TMPRSS9: variants seen among roughly 807,000 people sequenced by gnomAD.
TMPRSS9 encodes the protein transmembrane protease serine 9.
TMPRSS9 carries 113 observed loss-of-function variants against 111.4 expected under a neutral mutation model. The ratio of observed to expected loss-of-function variants is 1.01; its 90% CI spans 0.87 to 1.19. The LOEUF (loss-of-function observed/expected upper bound fraction) is 1.19. TMPRSS9 is among the 50% of genes most tolerant of loss of function. The pLI is 0.00. For missense variants in TMPRSS9, 1,803 were observed against 1,513.1 expected (o/e 1.19, Z -3.18); for synonymous variants, 805 against 659.1 (o/e 1.22, Z -3.39).
rs34615361 is a variant in TMPRSS9, at chr19:2,422,193, G to A, written c.2494G>A (p.Gly832Arg). The A allele has an allele frequency of 6.4e-3, 9,811 of 1,537,734 alleles. 48 individuals carry two copies. Among genetic ancestry groups the A allele is most frequent in the Admixed American group, 8.2e-3 (405 of 49,628 alleles). Reference sequence around the variant, plus strand: ...ATCTGCCGTGAGCACCACTGCTAGGGGACAGACGCCATTTCCAGACGCCCC... The same window carrying A: ...ATCTGCCGTGAGCACCACTGCTAGGAGACAGACGCCATTTCCAGACGCCCC... The change falls in exon 14 of 18, where the codon GGA (glycine) becomes AGA (arginine). Residue 832 changes from glycine to arginine, a missense_variant. Gly to Arg is a moderately radical substitution (Grantham distance 125). Coordinates refer to ENST00000648592, the Ensembl canonical transcript of TMPRSS9.
At chr19:2,405,666 T>C (rs992482472) in intron 7 of TMPRSS9, 121 bp downstream of exon 8, 3 of 1,116,324 alleles carry the variant, frequency 2.7e-6, no homozygotes, top group African/African-American at 3.3e-5. Flanking sequence ...TTTCTTTTCC[T>C]TTCTTTCTTG....
At chr19:2,402,670 G>A (rs1352198514) in intron 5 of TMPRSS9, among the ~76,000 whole-genome samples, 2 of 152,144 alleles carry the variant, frequency 1.3e-5, no homozygotes, top group African/African-American at 4.8e-5. Flanking sequence ...CCAGGGAGGC[G>A]GAGGTTGCGG....
chr19:2,398,247 G>C (rs1181182192), intron 2 of TMPRSS9, among the ~76,000 whole-genome samples: 2 of 151,438 alleles, frequency 1.3e-5, no homozygotes, highest in Admixed American at 1.3e-4. Flanking sequence ...AATGAGCCGA[G>C]ATCGTGCCAC....
chr19:2,397,507 A>G (rs1248043820), intron 2 of TMPRSS9, among the ~76,000 whole-genome samples: 1 of 152,142 alleles, frequency 6.6e-6, no homozygotes, highest in Admixed American at 6.6e-5. Context: ...CAGCCAGGAA[A>G]AGGGGCCAGG....
In TMPRSS9 at chr19:2,374,248, CTTTTTTTTTTTTTTTTT is replaced by C. The variant is rs1027376774; in HGVS notation, c.-26+13909_-26+13925del. On this transcript the variant is annotated intron_variant, in intron 1 of 17. Transcript: ENST00000649857. ...TTTCATGCTGATTTCTCTCAACAAT[CTTTTTTTTTTTTTTTTT>C]TTTTTTTTTTTTTTTTTTTTAAAGA... is the stretch of plus-strand genomic sequence containing the variant. Among the ~76,000 whole-genome samples the C allele has an allele frequency of 5.0e-4, 35 of 70,430 alleles. 1 individual carries two copies. The highest frequency in any genetic ancestry group is 1.9e-3 in the South Asian group (3 of 1,542). 46.2% of individuals were successfully genotyped at this position (70,430 alleles called of 152,430 possible). A position where few individuals can be genotyped will look rare whatever the true frequency, so the allele number is the denominator to read the frequency against.
intron 6 of TMPRSS9, among the ~76,000 whole-genome samples, chr19:2,403,626 G>A (rs1442345879): frequency 6.6e-6 from 1 of 151,824 alleles, no homozygotes; most frequent in Non-Finnish European, 1.5e-5. Flanking sequence ...GGAGGCCAAG[G>A]CAGGAGGATC....
chr19:2,422,862 TG>T (rs1971497863), intron 14 of TMPRSS9, among the ~76,000 whole-genome samples: 2 of 152,104 alleles, frequency 1.3e-5, no homozygotes, highest in Admixed American at 1.3e-4. Context: ...CACTCCAGCC[TG>T]GGCAACAGAG....
chr19:2,420,513 C>T (rs1183199934), intron 13 of TMPRSS9, among the ~76,000 whole-genome samples: 1 of 150,998 alleles, frequency 6.6e-6, no homozygotes, highest in African/African-American at 2.4e-5. Context: ...TATTACTAAT[C>T]AATACAAAAT....
At chr19:2,392,339 G>A (rs768207517) in intron 1 of TMPRSS9, among the ~76,000 whole-genome samples, 2 of 151,372 alleles carry the variant, frequency 1.3e-5, no homozygotes, top group Non-Finnish European at 2.9e-5. Context: ...CCTGCAGTGA[G>A]CTATGATCAC....
At chr19:2,422,194 G>A (rs764107539) in exon 14 of TMPRSS9, 4 of 1,537,000 alleles carry the variant, frequency 2.6e-6, no homozygotes, top group Non-Finnish European at 2.6e-6. Flanking sequence ...ACTGCTAGGG[G>A]ACAGACGCCA....
chr19:2,418,301 C>T lies in TMPRSS9; in HGVS notation c.2154+163C>T, dbSNP rs569540823. Among the ~76,000 whole-genome samples the T allele has an allele frequency of 1.5e-4, 10 of 68,662 alleles. 1 individual carries two copies. In the Middle Eastern group the frequency reaches 0.019, roughly 128 times the overall value. The allele number at this position is 68,662 out of a possible 152,430, so 45.0% of individuals were successfully genotyped here. ...CCTTTTCCTTTCCTCCTTTCCTTCCCTCCCTTTCCCTCCCTCCCTCCCTCC... is the reference window on the plus strand; with the variant it reads ...CCTTTTCCTTTCCTCCTTTCCTTCCTTCCCTTTCCCTCCCTCCCTCCCTCC... On this transcript the variant is annotated intron_variant, in intron 13 of 17. Transcript: ENST00000648592.
rs112276283 is a variant in TMPRSS9 at position 2,380,598 on chromosome 19, C to CAAAAAAAAAAA, written c.-25-9158_-25-9148dup. ...CCTGGGCAACAGAGCAAGACTCCAC[C>CAAAAAAAAAAA]AAAAAAAAAAAAAAAGACAGTGGAT... On this transcript the variant is annotated intron_variant, in intron 1 of 17. Transcript: ENST00000649857. Among the ~76,000 whole-genome samples, 105 of 110,808 alleles carry CAAAAAAAAAAA rather than the reference C, an allele frequency of 9.5e-4. 2 individuals carry two copies. Among genetic ancestry groups the CAAAAAAAAAAA allele is most frequent in the African/African-American group, 2.8e-3 (79 of 28,218 alleles). The allele number at this position is 110,808 out of a possible 152,430, so 72.7% of individuals were successfully genotyped here. A position where few individuals can be genotyped will look rare whatever the true frequency, so the allele number is the denominator to read the frequency against.
intron 8 of TMPRSS9, 33 bp from the exon 10 acceptor site, chr19:2,410,225 T>G (rs77800897): frequency 1.2e-6 from 2 of 1,611,538 alleles, no homozygotes; most frequent in Non-Finnish European, 1.7e-6. Context: ...GCTCCGGCAC[T>G]CTCACCCTGC....
chr19:2,378,250 T>C (rs1970354931), intron 1 of TMPRSS9, among the ~76,000 whole-genome samples: 1 of 152,130 alleles, frequency 6.6e-6, no homozygotes, highest in Admixed American at 6.6e-5. Flanking sequence ...CTCAGACAAC[T>C]GTGTTTAGGC....
rs750588775 is a variant in TMPRSS9 at position 2,408,647 on chromosome 19, G to A, written c.1117+17G>A. The A allele has an allele frequency of 6.2e-7, 1 of 1,600,062 alleles. No homozygotes were observed. Among genetic ancestry groups the A allele is most frequent in the Non-Finnish European group, 8.5e-7 (1 of 1,170,394 alleles). On this transcript the variant is annotated intron_variant, in intron 8 of 17. Coordinates refer to ENST00000648592, the Ensembl canonical transcript of TMPRSS9. ...AGGACTTCCGTAAGCATCTTCCTCGGCCTGCAAGTGAGCTCAGGCAGGCAG... is the reference window on the plus strand; with the variant it reads ...AGGACTTCCGTAAGCATCTTCCTCGACCTGCAAGTGAGCTCAGGCAGGCAG...
At chr19:2,397,023 C>T (rs1027047935) in intron 2 of TMPRSS9, among the ~76,000 whole-genome samples, 5 of 151,640 alleles carry the variant, frequency 3.3e-5, no homozygotes, top group African/African-American at 9.7e-5. Flanking sequence ...CAGGTTCAAG[C>T]GATTCTCCTG....
At chr19:2,361,488 G>A (rs1157431035) in intron 1 of TMPRSS9, among the ~76,000 whole-genome samples, 1 of 152,026 alleles carries the variant, frequency 6.6e-6, no homozygotes, top group East Asian at 1.9e-4. Flanking sequence ...ACACTGGGAT[G>A]TAACAATTGG....
Position 2,418,424 on chromosome 19 carries a change from TC to T in TMPRSS9, c.2154+289del, listed in dbSNP as rs1422483052. 1.3e-4 allele frequency among the ~76,000 whole-genome samples: 5 copies of T among 37,178 alleles called. 2 individuals are homozygous for T. The highest frequency in any genetic ancestry group is 3.2e-4 in the African/African-American group (2 of 6,250). The allele number at this position is 37,178 out of a possible 152,430, so 24.4% of individuals were successfully genotyped here. On this transcript the variant is annotated intron_variant, in intron 13 of 17. Transcript: ENST00000648592. ...CCTTTCCTTCCATTCCTTCCCTCCC[TC>T]CCTTTCCTTCCCTCCCTCCCCTTCC... is the stretch of plus-strand genomic sequence containing the variant.
At chr19:2,404,404 G>A (rs1179103689) in intron 6 of TMPRSS9, among the ~76,000 whole-genome samples, 1 of 152,090 alleles carries the variant, frequency 6.6e-6, no homozygotes, top group African/African-American at 2.4e-5. Context: ...AAGGCTGGGT[G>A]CAGTGGGTCA....
Sources: allele counts gnomAD v4.1 joint callset (sites outside exome capture counted in the v4.1 genomes callset), GRCh38; gene constraint gnomAD v4.1.1; transcripts MANE v1.5; gene names NCBI Gene and HGNC (gene_info 2026-07-23, HGNC 2026-07-21).